Variants in HS6ST3 observed in about 807,000 individuals in gnomAD.
HS6ST3 encodes the protein heparan-sulfate 6-O-sulfotransferase 3.
HS6ST3 carries 12 observed loss-of-function variants against 36.7 expected under a neutral mutation model. The ratio of observed to expected loss-of-function variants is 0.33; its 90% CI spans 0.21 to 0.53. HS6ST3 has a LOEUF of 0.53. Among genes scored for constraint, HS6ST3 ranks in the 20% least tolerant of loss-of-function variants. The pLI is 0.95. For missense variants in HS6ST3, 584 were observed against 640.9 expected, an observed-to-expected ratio of 0.91 and a Z score of 0.96; for synonymous variants, 240 against 257.5, an observed-to-expected ratio of 0.93 and a Z score of 0.65.
intron 1 of HS6ST3, among the ~76,000 whole-genome samples, chr13:96,573,436 G>A (rs1013222075): frequency 3.9e-5 from 6 of 152,146 alleles, no homozygotes; most frequent in Non-Finnish European, 5.9e-5. Context: ...GGCAGAGCAC[G>A]AGAGGTCCTG....
rs138681022 is a variant in HS6ST3 at position 96,206,172 on chromosome 13, G to A, written c.707+114603G>A. On this transcript the variant is annotated intron_variant, in intron 1 of 1. Transcript: ENST00000376705. ...CTTGTATTCCTAACACCAACAACAG[G>A]CAAGCAGGGAGCCAAATCATGAATG... Among the ~76,000 whole-genome samples the A allele has an allele frequency of 2.9e-3, 437 of 152,040 alleles. 3 individuals are homozygous for A. Among genetic ancestry groups the A allele is most frequent in the Admixed American group, 5.4e-3 (83 of 15,260 alleles).
intron 1 of HS6ST3, among the ~76,000 whole-genome samples, chr13:96,544,080 C>A (rs1048692289): frequency 3.9e-5 from 6 of 152,006 alleles, no homozygotes; most frequent in Admixed American, 1.3e-4. Context: ...TGAACTCACC[C>A]TACATCCACA....
At chr13:96,112,487 C>T (rs1032292823) in intron 1 of HS6ST3, among the ~76,000 whole-genome samples, 5 of 149,338 alleles carry the variant, frequency 3.3e-5, no homozygotes, top group African/African-American at 1.2e-4. Context: ...AATCCCAGCA[C>T]TTTGGGAGAC....
chr13:96,496,887 A>G (rs1039323429), intron 1 of HS6ST3, among the ~76,000 whole-genome samples: 9 of 152,148 alleles, frequency 5.9e-5, no homozygotes, highest in South Asian at 2.1e-4. Flanking sequence ...GAAAGCCAGG[A>G]CCAGACATAA....
intron 1 of HS6ST3, among the ~76,000 whole-genome samples, chr13:96,248,497 G>A (rs1260374082): frequency 6.6e-6 from 1 of 152,146 alleles, no homozygotes. Context: ...AAAGGAAAAT[G>A]TAATTTCTAT....
At chr13:96,404,970 G>T (rs577535873) in intron 1 of HS6ST3, among the ~76,000 whole-genome samples, 2 of 152,104 alleles carry the variant, frequency 1.3e-5, no homozygotes, top group South Asian at 2.1e-4. Context: ...TTTTAAAAAC[G>T]GGAGTTTCTC....
intron 1 of HS6ST3, among the ~76,000 whole-genome samples, chr13:96,495,104 C>A (rs2055968249): frequency 6.6e-6 from 1 of 152,124 alleles, no homozygotes; most frequent in South Asian, 2.1e-4. Context: ...ATATTATACT[C>A]TTCTCTTTTC....
chr13:96,400,300 C>T (rs929690592), intron 1 of HS6ST3, among the ~76,000 whole-genome samples: 2 of 137,270 alleles, frequency 1.5e-5, no homozygotes, highest in Non-Finnish European at 3.2e-5. Context: ...CACACACAGA[C>T]ACACAGATAC....
intron 1 of HS6ST3, among the ~76,000 whole-genome samples, chr13:96,291,408 G>A (rs1021100915): frequency 6.6e-6 from 1 of 152,090 alleles, no homozygotes; most frequent in Non-Finnish European, 1.5e-5. Flanking sequence ...CAACATGCCT[G>A]GTGCAGTCCA....
At chr13:96,690,721 G>T (rs1302332668) in intron 1 of HS6ST3, among the ~76,000 whole-genome samples, 2 of 151,998 alleles carry the variant, frequency 1.3e-5, no homozygotes, top group Non-Finnish European at 2.9e-5. Flanking sequence ...TACTCTGCAT[G>T]GAAACTACCT....
chr13:96,487,157 A>G (rs925631721), intron 1 of HS6ST3, among the ~76,000 whole-genome samples: 2 of 152,238 alleles, frequency 1.3e-5, no homozygotes, highest in East Asian at 1.9e-4. Context: ...ACAGAAGTAT[A>G]AAAAGGAGAT....
intron 1 of HS6ST3, among the ~76,000 whole-genome samples, chr13:96,424,022 C>A (rs2055574205): frequency 6.6e-6 from 1 of 152,194 alleles, no homozygotes; most frequent in South Asian, 2.1e-4. Flanking sequence ...GGATTCAAAA[C>A]TACCTAAGGG....
intron 1 of HS6ST3, among the ~76,000 whole-genome samples, chr13:96,210,198 A>C (rs1032624934): frequency 6.6e-6 from 1 of 152,240 alleles, no homozygotes; most frequent in Non-Finnish European, 1.5e-5. Flanking sequence ...AAAAGCAGGA[A>C]GTATTTTGTA....
chr13:96,520,774 C>T (rs1246533551), intron 1 of HS6ST3, among the ~76,000 whole-genome samples: 2 of 152,188 alleles, frequency 1.3e-5, no homozygotes, highest in African/African-American at 4.8e-5. Flanking sequence ...TCTAAATATA[C>T]AATCATATCA....
chr13:96,694,135 G>C (rs625319), intron 1 of HS6ST3, among the ~76,000 whole-genome samples: 2,567 of 152,146 alleles, frequency 0.017, 73 homozygotes, highest in African/African-American at 0.058. Flanking sequence ...AGCCTAGTAC[G>C]TATTAGTTAT....
At chr13:96,252,425 T>TCTC (rs1307515163) in intron 1 of HS6ST3, among the ~76,000 whole-genome samples, 3 of 152,192 alleles carry the variant, frequency 2.0e-5, no homozygotes, top group Admixed American at 2.0e-4. Context: ...GGATTCCCTC[T>TCTC]CTCCATGCCT....
At position 96,563,919 on chromosome 13, in the gene HS6ST3, C is replaced by T. The variant is rs552750119; in HGVS notation, c.708-268571C>T. Among the ~76,000 whole-genome samples the T allele has an allele frequency of 2.0e-5, 3 of 152,272 alleles. No homozygotes were observed. The South Asian group carries it at 6.2e-4, about 32-fold the overall frequency. ...GTTACGGCCAGCCTGTGTGCAGATA[C>T]CTTCTAGACTTTTCTCCCGCTTCTA... is the stretch of plus-strand genomic sequence containing the variant. On this transcript the variant is annotated intron_variant, in intron 1 of 1. Transcript: ENST00000376705.
intron 1 of HS6ST3, among the ~76,000 whole-genome samples, chr13:96,782,586 T>G (rs1292679097): frequency 1.3e-5 from 2 of 152,202 alleles, no homozygotes; most frequent in African/African-American, 4.8e-5. Context: ...TGCTCTTTCA[T>G]GATCTTAGTG....
intron 1 of HS6ST3, among the ~76,000 whole-genome samples, chr13:96,344,102 A>G (rs1314698342): frequency 1.3e-5 from 2 of 152,174 alleles, no homozygotes; most frequent in Non-Finnish European, 2.9e-5. Context: ...TATTTAACAT[A>G]TACCTATATG....
Sources: allele counts gnomAD v4.1 joint callset (sites outside exome capture counted in the v4.1 genomes callset), GRCh38; gene constraint gnomAD v4.1.1; transcripts MANE v1.5; gene names NCBI Gene and HGNC (gene_info 2026-07-23, HGNC 2026-07-21).